Variants in CTNND2 observed in about 807,000 individuals in gnomAD.
The protein encoded by CTNND2 is catenin delta-2.
Under a neutral mutation model 144.4 loss-of-function variants are expected in CTNND2, and 22 were observed. That is an observed-to-expected ratio of 0.15 (90% CI 0.11 to 0.22). CTNND2 has a LOEUF of 0.22. CTNND2 is among the 10% of genes least tolerant of loss of function. The pLI is 1.00. For missense variants in CTNND2, 1,353 were observed against 1,618.8 expected, an observed-to-expected ratio of 0.84 and a Z score of 2.82; for synonymous variants, 751 against 695.6, an observed-to-expected ratio of 1.08 and a Z score of -1.25.
At chr5:11,511,780 T>C (rs1771670884) in intron 3 of CTNND2, among the ~76,000 whole-genome samples, 1 of 152,128 alleles carries the variant, frequency 6.6e-6, no homozygotes, top group African/African-American at 2.4e-5. Flanking sequence ...TTACTCTCAT[T>C]CTACATCCTC....
At chr5:11,691,172 C>A (rs192837741) in intron 2 of CTNND2, among the ~76,000 whole-genome samples, 211 of 152,120 alleles carry the variant, frequency 1.4e-3, no homozygotes, top group African/African-American at 5.0e-3. Flanking sequence ...GAGATTGAGA[C>A]CATCCTGGCT....
At chr5:11,237,504 T>A (rs545588237) in intron 9 of CTNND2, among the ~76,000 whole-genome samples, 1 of 152,190 alleles carries the variant, frequency 6.6e-6, no homozygotes, top group East Asian at 1.9e-4. Flanking sequence ...ATTTATTTAT[T>A]TTTAACTTTT....
intron 7 of CTNND2, among the ~76,000 whole-genome samples, chr5:11,368,461 G>A (rs1279115875): frequency 2.0e-5 from 3 of 152,140 alleles, no homozygotes; most frequent in African/African-American, 7.2e-5. Flanking sequence ...ATAGATTCTA[G>A]GGACCCAGAG....
chr5:11,010,249 G>C (rs980050734), intron 18 of CTNND2, among the ~76,000 whole-genome samples: 3 of 152,134 alleles, frequency 2.0e-5, no homozygotes, highest in African/African-American at 7.2e-5. Context: ...ACATTTGGTA[G>C]TTTATTTCTA....
In CTNND2 at chr5:11,903,963, T is replaced by A. The variant is rs1738125268; in HGVS notation, c.-110A>T. The A allele has an allele frequency of 8.2e-7, 1 of 1,226,826 alleles. No homozygotes were observed. The highest frequency in any genetic ancestry group is 1.6e-5 in the African/African-American group (1 of 62,808). The allele number at this position is 1,226,826 out of a possible 1,614,324, so 76.0% of individuals were successfully genotyped here. A position where few individuals can be genotyped will look rare whatever the true frequency, so the allele number is the denominator to read the frequency against. On this transcript the variant is annotated 5_prime_UTR_variant, in exon 1 of 22. Transcript: ENST00000304623. The surrounding 1 kb of genome is among the most constrained non-coding windows in gnomAD (Gnocchi z 5.4). The stretch of plus-strand genomic sequence containing the variant: ...CCAACTGCAGCATCTTCCGCTTTTG[T>A]TGTCTGAGCGCGGCCGCGGGACAAG...
intron 10 of CTNND2, among the ~76,000 whole-genome samples, chr5:11,207,958 A>T (rs1458799111): frequency 6.6e-6 from 1 of 152,094 alleles, no homozygotes; most frequent in Non-Finnish European, 1.5e-5. Context: ...TGATGAAAAA[A>T]CCTTTTGGAA....
rs1478224067 is a variant in CTNND2 at position 11,214,546 on chromosome 5, C to T, written c.1762-14885G>A. Among the ~76,000 whole-genome samples the T allele has an allele frequency of 2.0e-5, 3 of 152,132 alleles. No homozygotes were observed. The East Asian group carries it at 5.8e-4, about 29-fold the overall frequency. ...GTTTTTTGTCTTTTATTTCTACATT[C>T]TGCACACACAGTAGTCAAAGTCATA... On this transcript the variant is annotated intron_variant, in intron 10 of 21. Transcript: ENST00000304623.
chr5:11,386,801 T>A (rs916617845), intron 6 of CTNND2, among the ~76,000 whole-genome samples: 1 of 152,162 alleles, frequency 6.6e-6, no homozygotes, highest in East Asian at 1.9e-4. Context: ...TCCAGGAATA[T>A]TTGTGGAATG....
intron 9 of CTNND2, among the ~76,000 whole-genome samples, chr5:11,340,841 G>A (rs2149730594): frequency 6.6e-6 from 1 of 152,206 alleles, no homozygotes; most frequent in South Asian, 2.1e-4. Flanking sequence ...TGTAAAATAG[G>A]TATTATAAAA....
intron 3 of CTNND2, among the ~76,000 whole-genome samples, chr5:11,516,596 G>A (rs1216602870): frequency 6.6e-6 from 1 of 151,804 alleles, no homozygotes; most frequent in East Asian, 1.9e-4. Flanking sequence ...ACTTACAATA[G>A]CATCAAAAAT....
At chr5:11,788,872 C>A (rs2126864361) in intron 1 of CTNND2, among the ~76,000 whole-genome samples, 1 of 149,044 alleles carries the variant, frequency 6.7e-6, no homozygotes, top group Non-Finnish European at 1.5e-5. Flanking sequence ...TGTACCCCTT[C>A]CTGTGTCCAA....
intron 1 of CTNND2, among the ~76,000 whole-genome samples, chr5:11,828,388 G>A (rs1190849380): frequency 6.6e-6 from 1 of 152,058 alleles, no homozygotes; most frequent in Non-Finnish European, 1.5e-5. Flanking sequence ...GAATAAGCTG[G>A]GCATGGTGGG....
intron 16 of CTNND2, among the ~76,000 whole-genome samples, chr5:11,080,570 A>G (rs1028160703): frequency 6.6e-6 from 1 of 152,204 alleles, no homozygotes; most frequent in African/African-American, 2.4e-5. Flanking sequence ...TATAGAAGCA[A>G]TCTAAGTGTC....
At chr5:11,401,152 T>C (rs1760615010) in intron 5 of CTNND2, among the ~76,000 whole-genome samples, 1 of 152,178 alleles carries the variant, frequency 6.6e-6, no homozygotes, top group African/African-American at 2.4e-5. Flanking sequence ...ATTTTCTGCA[T>C]AAAAATTCAG....
rs185736596 is a variant in CTNND2 at position 11,776,991 on chromosome 5, T to C, written c.38-44719A>G. ...AGAAAATCCAGATTTTCAAAAAGGA[T>C]AATCTATTGGGTGACTACTTGTTAA... On this transcript the variant is annotated intron_variant, in intron 1 of 21. Coordinates refer to ENST00000304623, the MANE Select transcript of CTNND2 (RefSeq NM_001332.4). Among the ~76,000 whole-genome samples the C allele has an allele frequency of 2.6e-3, 393 of 152,308 alleles. 2 individuals carry two copies. Among genetic ancestry groups the C allele is most frequent in the African/African-American group, 8.5e-3 (354 of 41,566 alleles).
chr5:11,649,268 T>C (rs1055465162), intron 2 of CTNND2, among the ~76,000 whole-genome samples: 3 of 152,188 alleles, frequency 2.0e-5, no homozygotes, highest in Admixed American at 2.0e-4. Context: ...TTGTACCCTA[T>C]ATAACTGTAA....
intron 3 of CTNND2, among the ~76,000 whole-genome samples, chr5:11,430,374 A>G (rs942504356): frequency 1.3e-5 from 2 of 150,164 alleles, no homozygotes; most frequent in East Asian, 3.9e-4. Flanking sequence ...TAATTCTTCC[A>G]AAGTCAGGGT....
chr5:11,872,872 A>G (rs771208816), intron 1 of CTNND2, among the ~76,000 whole-genome samples: 1 of 152,218 alleles, frequency 6.6e-6, no homozygotes, highest in Non-Finnish European at 1.5e-5. Flanking sequence ...AGACTTCAAC[A>G]TAAATACTAA....
intron 15 of CTNND2, among the ~76,000 whole-genome samples, chr5:11,094,959 GTGGAATAACTGT>G (rs1447544192): frequency 6.6e-6 from 1 of 152,190 alleles, no homozygotes; most frequent in African/African-American, 2.4e-5. Flanking sequence ...CTCTGGATAT[GTGGAATAACTGT>G]GCTGAACTAA....
Sources: gnomAD v4.1 joint callset for allele counts (sites outside exome capture counted in the v4.1 genomes callset) on GRCh38, gnomAD v4.1.1 for gene constraint, Gnocchi (gnomAD v3.1) non-coding constraint, MANE v1.5 for transcripts, NCBI Gene and HGNC (gene_info 2026-07-23, HGNC 2026-07-21) for gene names.